The following PRKCZ variants were observed in gnomAD, a reference collection of about 807,000 sequenced individuals.
PRKCZ encodes the protein protein kinase C zeta.
A neutral mutation model predicts 79.5 loss-of-function variants in PRKCZ; 33 were observed. The ratio of observed to expected loss-of-function variants is 0.41; its 90% CI spans 0.31 to 0.55. The LOEUF (loss-of-function observed/expected upper bound fraction) is 0.55, where lower values mean the gene tolerates loss of function less well. PRKCZ is among the 20% of genes least tolerant of loss of function. PRKCZ has a pLI of 0.19. For synonymous variants in PRKCZ, 342 were observed against 320.9 expected (o/e 1.07, Z -0.70); for missense variants, 578 against 813.5 (o/e 0.71, Z 3.52).
upstream of PRKCZ, among the ~76,000 whole-genome samples, chr1:2,048,888 G>A (rs1163036421): frequency 1.3e-5 from 2 of 152,198 alleles, no homozygotes; most frequent in East Asian, 1.9e-4. Flanking sequence ...GTCTGAGGCC[G>A]GGCACAGTGG....
intron 10 of PRKCZ, among the ~76,000 whole-genome samples, chr1:2,157,478 C>T (rs1022446017): frequency 6.6e-6 from 1 of 152,020 alleles, no homozygotes; most frequent in African/African-American, 2.4e-5. Flanking sequence ...AGTGCAGTGG[C>T]AACATCTTGG....
At chr1:2,166,199 ACTTG>A (rs2103422623) in intron 10 of PRKCZ, among the ~76,000 whole-genome samples, 1 of 152,264 alleles carries the variant, frequency 6.6e-6, no homozygotes, top group African/African-American at 2.4e-5. Flanking sequence ...CCGGAGGATC[ACTTG>A]AGGCCAGGGG....
intron 4 of PRKCZ, among the ~76,000 whole-genome samples, chr1:2,099,515 C>T (rs1351000267): frequency 1.6e-4 from 13 of 81,376 alleles, no homozygotes; most frequent in Non-Finnish European, 2.5e-4. Flanking sequence ...GTGGGCGGGG[C>T]GGGGTGGGGA....
intron 9 of PRKCZ, among the ~76,000 whole-genome samples, chr1:2,153,701 G>A (rs3107125): frequency 0.036 from 5,519 of 152,332 alleles, 145 homozygotes; most frequent in Non-Finnish European, 0.056. Context: ...TTAATGCCAC[G>A]TATGAGAGCA....
At chr1:2,119,269 C>G (rs946216185) in intron 4 of PRKCZ, among the ~76,000 whole-genome samples, 1 of 139,830 alleles carries the variant, frequency 7.2e-6, no homozygotes, top group Non-Finnish European at 1.5e-5. Context: ...GGCTAGAGTG[C>G]AAGGGCGCGA....
At chr1:2,137,970 GC>G (rs1676555984) in intron 5 of PRKCZ, among the ~76,000 whole-genome samples, 1 of 152,234 alleles carries the variant, frequency 6.6e-6, no homozygotes, top group African/African-American at 2.4e-5. Context: ...AGGGAGGGCG[GC>G]TGCCCTGCAG....
At chr1:2,069,083 T>TG (rs1661352727) in intron 4 of PRKCZ, among the ~76,000 whole-genome samples, 1 of 152,206 alleles carries the variant, frequency 6.6e-6, no homozygotes, top group Non-Finnish European at 1.5e-5. Context: ...AGCCACATCT[T>TG]GAACGGCGTC....
At chr1:2,179,824 G>A (rs761727532) in intron 16 of PRKCZ, among the ~76,000 whole-genome samples, 12 of 152,214 alleles carry the variant, frequency 7.9e-5, no homozygotes, top group Non-Finnish European at 1.0e-4. Flanking sequence ...TCCCACGTGC[G>A]ACAGGCACGT....
chr1:2,179,008 C>T (rs1275014823), intron 16 of PRKCZ, among the ~76,000 whole-genome samples: 1 of 152,226 alleles, frequency 6.6e-6, no homozygotes, highest in Non-Finnish European at 1.5e-5. Flanking sequence ...GACTCTGGGG[C>T]CCGGCACCGG....
At chr1:2,060,300 C>G (rs937496334) in intron 4 of PRKCZ, among the ~76,000 whole-genome samples, 1 of 152,212 alleles carries the variant, frequency 6.6e-6, no homozygotes, top group African/African-American at 2.4e-5. Context: ...AGGGCTTCCC[C>G]CACCCCTGCT....
chr1:2,150,603 C>T (rs985956240), intron 8 of PRKCZ, among the ~76,000 whole-genome samples, 187 bp from the exon 9 acceptor site: 1 of 152,236 alleles, frequency 6.6e-6, no homozygotes, highest in Non-Finnish European at 1.5e-5. Context: ...AAATTCTTAC[C>T]TTTCATGCCC....
Position 2,158,133 on chromosome 1 carries a change from G to A in PRKCZ, c.974+2041G>A, listed in dbSNP as rs545068476. 3.1e-4 allele frequency among the ~76,000 whole-genome samples: 47 copies of A among 152,288 alleles called. 1 individual carries two copies. The highest frequency in any genetic ancestry group is 2.7e-3 in the South Asian group (13 of 4,822). ...CCGTTCCCCGACCTGCTCTACGTGC[G>A]GTGCCGTCCTGGTCAAGGGTTCCTG... On this transcript the variant is annotated intron_variant, in intron 10 of 17. Transcript: ENST00000378567.
At position 2,137,903 on chromosome 1, in the gene PRKCZ, T is replaced by G. The variant is rs555492918; in HGVS notation, c.420+2556T>G. Among the ~76,000 whole-genome samples the G allele has an allele frequency of 3.9e-5, 6 of 152,306 alleles. No homozygotes were observed. In the South Asian group the frequency reaches 1.2e-3, roughly 32 times the overall value. ...CTTCTGGGCGTGTGAACGAGCCAGT[T>G]TCACAAACACAGAGGCCAAGGCGAG... On this transcript the variant is annotated intron_variant, in intron 5 of 17. Coordinates refer to ENST00000378567, the MANE Select transcript of PRKCZ (RefSeq NM_002744.6).
chr1:2,102,948 C>T (rs528731969), intron 4 of PRKCZ, among the ~76,000 whole-genome samples: 20 of 152,130 alleles, frequency 1.3e-4, no homozygotes, highest in Non-Finnish European at 2.4e-4. Flanking sequence ...GGTACAATCA[C>T]GGCTCACTGC....
intron 11 of PRKCZ, among the ~76,000 whole-genome samples, 200 bp from the exon 12 acceptor site, chr1:2,171,855 C>T (rs1473489505): frequency 6.6e-6 from 1 of 152,214 alleles, no homozygotes; most frequent in South Asian, 2.1e-4. Flanking sequence ...CATCCTAAGG[C>T]GCATGGGGTG....
At position 2,124,405 on chromosome 1, in the gene PRKCZ, G is replaced by A. The variant is rs58955614; in HGVS notation, c.335-10857G>A. Among the ~76,000 whole-genome samples the A allele has an allele frequency of 2.5e-3, 336 of 133,982 alleles. 14 individuals are homozygous for A. The highest frequency in any genetic ancestry group is 9.6e-3 in the African/African-American group (304 of 31,528). The allele number at this position is 133,982 out of a possible 152,430, so 87.9% of individuals were successfully genotyped here. On this transcript the variant is annotated intron_variant, in intron 4 of 17. Coordinates refer to ENST00000378567, the MANE Select transcript of PRKCZ (RefSeq NM_002744.6). ...GGGTCACGGCGGTGGTTAGGGTCACGGTGGTGGTTAGGGTCACAGGGTAGA... is the reference window on the plus strand; with the variant it reads ...GGGTCACGGCGGTGGTTAGGGTCACAGTGGTGGTTAGGGTCACAGGGTAGA...
At chr1:2,053,160 G>T (rs1406605482) in intron 1 of PRKCZ, among the ~76,000 whole-genome samples, 2 of 151,650 alleles carry the variant, frequency 1.3e-5, no homozygotes, top group African/African-American at 4.8e-5. Flanking sequence ...GGCTGCAGTG[G>T]TGTGGTCTCG....
In PRKCZ at chr1:2,160,236, T is replaced by TGCGC. The variant is rs151218937; in HGVS notation, c.974+4147_974+4148insCGCG. ...ATGAAAAGCACTTCACCCAGCAGTGTGCGTGTGTGTGTGTGTGTGTGTGTG... is the reference window on the plus strand; with the variant it reads ...ATGAAAAGCACTTCACCCAGCAGTGTGCGCGCGTGTGTGTGTGTGTGTGTGTGTG... On this transcript the variant is annotated intron_variant, in intron 10 of 17. Transcript: ENST00000378567. Among the ~76,000 whole-genome samples, 362 of 133,192 alleles carry TGCGC rather than the reference T, an allele frequency of 2.7e-3. 1 individual carries two copies. The highest frequency in any genetic ancestry group is 9.5e-3 in the African/African-American group (341 of 35,918). 87.4% of individuals were successfully genotyped at this position (133,192 alleles called of 152,430 possible). A position where few individuals can be genotyped will look rare whatever the true frequency, so the allele number is the denominator to read the frequency against.
At chr1:2,099,795 C>A (rs1343019984) in intron 4 of PRKCZ, among the ~76,000 whole-genome samples, 1 of 152,188 alleles carries the variant, frequency 6.6e-6, no homozygotes, top group Admixed American at 6.5e-5. Flanking sequence ...TGACCTATTT[C>A]CCGTTCCAAT....
Sources: allele counts gnomAD v4.1 joint callset (sites outside exome capture counted in the v4.1 genomes callset), GRCh38; gene constraint gnomAD v4.1.1; transcripts MANE v1.5; gene names NCBI Gene and HGNC (gene_info 2026-07-23, HGNC 2026-07-21).